RYR2: variants seen among roughly 807,000 people sequenced by gnomAD.
RYR2 encodes ryanodine receptor 2, also known as cardiac muscle ryanodine receptor-calcium release channel.
RYR2 carries 227 observed loss-of-function variants against 601.1 expected under a neutral mutation model. That is an observed-to-expected ratio of 0.38 (90% CI 0.34 to 0.42). The LOEUF is 0.42. RYR2 is among the 10% of genes least tolerant of loss of function. RYR2 has a pLI of 1.00. For missense variants in RYR2, 4,646 were observed against 6,156.5 expected (o/e 0.75, Z 8.21); for synonymous variants, 2,223 against 2,175.1 (o/e 1.02, Z -0.61).
chr1:237,512,086 C>T (rs1665975073), intron 24 of RYR2, among the ~76,000 whole-genome samples: 1 of 152,032 alleles, frequency 6.6e-6, no homozygotes, highest in Admixed American at 6.6e-5. Flanking sequence ...GATACAGGTC[C>T]ACAGAATGTG....
intron 29 of RYR2, among the ~76,000 whole-genome samples, chr1:237,569,699 A>G (rs1177502373): frequency 6.6e-6 from 1 of 152,210 alleles, no homozygotes; most frequent in Admixed American, 6.5e-5. Context: ...CCCACAATGG[A>G]TCAGGTACTT....
intron 24 of RYR2, among the ~76,000 whole-genome samples, chr1:237,527,281 CTT>C (rs948660920): frequency 2.0e-5 from 3 of 152,150 alleles, no homozygotes; most frequent in Non-Finnish European, 4.4e-5. Context: ...TATTCGGACT[CTT>C]TTTTGATTCC....
intron 62 of RYR2, among the ~76,000 whole-genome samples, chr1:237,681,141 A>G (rs1233428147): frequency 1.3e-5 from 2 of 152,188 alleles, no homozygotes; most frequent in African/African-American, 4.8e-5. Context: ...CTTTTACTCA[A>G]ACTTCTGCTA....
chr1:237,631,014 A>C (rs2148681205), intron 41 of RYR2, among the ~76,000 whole-genome samples: 1 of 152,320 alleles, frequency 6.6e-6, no homozygotes, highest in South Asian at 2.1e-4. Flanking sequence ...AGCATATATA[A>C]ATACTAGCAA....
chr1:237,200,856 G>A (rs536602004), intron 1 of RYR2, among the ~76,000 whole-genome samples: 2 of 152,292 alleles, frequency 1.3e-5, no homozygotes, highest in Non-Finnish European at 2.9e-5. Context: ...CTAAAGTTAT[G>A]TGTTCTGTGA....
chr1:237,283,649 C>T (rs545201454), intron 2 of RYR2, among the ~76,000 whole-genome samples: 2 of 152,298 alleles, frequency 1.3e-5, no homozygotes, highest in African/African-American at 4.8e-5. Context: ...AAAGAATACA[C>T]AGCCACTGTC....
chr1:237,342,995 G>A (rs1281276542), intron 3 of RYR2, among the ~76,000 whole-genome samples: 1 of 152,132 alleles, frequency 6.6e-6, no homozygotes, highest in East Asian at 1.9e-4. Context: ...GATCACTTGA[G>A]CCCAGGAGTT....
rs778071716 is a variant in RYR2 at position 237,387,327 on chromosome 1, A to G, written c.623A>G (p.Gln208Arg). 1.9e-6 allele frequency: 3 copies of G among 1,613,894 alleles called. No homozygotes were observed. The African/African-American group carries it at 4.0e-5, about 22-fold the overall frequency. Residue 208 changes from glutamine to arginine, a missense_variant, in exon 9 of 105, where the codon CAG becomes CGG. Transcript: ENST00000366574. Reference sequence around the variant, plus strand: ...AGCTTACACGTGGATGCCGCTTTCCAGCAGACTCTCTGGAGCGTGGCCCCA... The same window carrying G: ...AGCTTACACGTGGATGCCGCTTTCCGGCAGACTCTCTGGAGCGTGGCCCCA... Reference protein sequence around the residue: ...NGSLHVDAAFQQTLWSVAPIS... With the variant: ...NGSLHVDAAFRQTLWSVAPIS...
At chr1:237,153,096 T>C (rs1674912517) in intron 1 of RYR2, among the ~76,000 whole-genome samples, 3 of 152,176 alleles carry the variant, frequency 2.0e-5, no homozygotes, top group Non-Finnish European at 4.4e-5. Context: ...TCAGAGTGTG[T>C]GTATTTAGAC....
At chr1:237,238,161 G>A (rs1685786273) in intron 1 of RYR2, among the ~76,000 whole-genome samples, 1 of 151,858 alleles carries the variant, frequency 6.6e-6, no homozygotes, top group African/African-American at 2.4e-5. Flanking sequence ...TAGAGACAGG[G>A]ATTTCACCAT....
At position 237,590,927 on chromosome 1, in the gene RYR2, T is replaced by G. The variant is rs376401462; in HGVS notation, c.4095T>G (p.Ala1365=). 1 of 1,613,702 alleles carries G rather than the reference T, an allele frequency of 6.2e-7. No individual in the cohort carries two copies. Among genetic ancestry groups the G allele is most frequent in the African/African-American group, 1.3e-5 (1 of 74,876 alleles). Residue 1365 remains alanine (A), a synonymous_variant, in exon 31 of 105, where the codon GCT becomes GCG. Coordinates refer to ENST00000366574, the MANE Select transcript of RYR2 (RefSeq NM_001035.3). ...ATCGTGTTGACAAAGACAAAGAAGC[T>G]ACTAAACCAGAGTTTAACAACCACA... is the stretch of plus-strand genomic sequence containing the variant. The part of the protein sequence containing the change: ...VPDRVDKDKE[A]TKPEFNNHKD...
chr1:237,605,622 AAAT>A (rs1677033522), intron 35 of RYR2, among the ~76,000 whole-genome samples: 1 of 152,138 alleles, frequency 6.6e-6, no homozygotes, highest in East Asian at 1.9e-4. Flanking sequence ...AGAGGAAGTC[AAAT>A]TGTCCCTGTT....
At chr1:237,749,438 A>ATTATTT (rs1373634608) in intron 80 of RYR2, among the ~76,000 whole-genome samples, 3 of 151,630 alleles carry the variant, frequency 2.0e-5, no homozygotes. Flanking sequence ...ATTTGCTATT[A>ATTATTT]TTATTATTAT....
chr1:237,445,801 A>G (rs1708281161), intron 14 of RYR2, among the ~76,000 whole-genome samples: 1 of 151,926 alleles, frequency 6.6e-6, no homozygotes, highest in South Asian at 2.1e-4. Flanking sequence ...TACTGAACCT[A>G]TTTAGTTCCT....
chr1:237,366,047 G>A lies in RYR2; in HGVS notation c.309+1675G>A, dbSNP rs1018457286. ...ATGCAATTACAGTAATTTAAGTCAC[G>A]TAAACAGAAAAACATGCTGAATTTT... is the stretch of plus-strand genomic sequence containing the variant. On this transcript the variant is annotated intron_variant, in intron 5 of 104. Coordinates refer to ENST00000366574, the MANE Select transcript of RYR2 (RefSeq NM_001035.3). Among the ~76,000 whole-genome samples the A allele has an allele frequency of 2.6e-5, 4 of 152,210 alleles. No homozygotes were observed. The South Asian group carries it at 6.2e-4, about 24-fold the overall frequency.
At position 237,674,220 on chromosome 1, in the gene RYR2, G is replaced by A; in HGVS notation, c.8714+1G>A. The A allele has an allele frequency of 6.2e-7, 1 of 1,607,580 alleles. No homozygotes were observed. Among genetic ancestry groups the A allele is most frequent in the African/African-American group, 1.3e-5 (1 of 74,868 alleles). ...AGATCAATGGATATGCTGTATCCAG[G>A]TAAAAGTACACATACCCTAAGTACA... On this transcript the variant is annotated splice_donor_variant, in intron 59 of 104. Coordinates refer to ENST00000366574, the MANE Select transcript of RYR2 (RefSeq NM_001035.3). LOFTEE classifies it high-confidence loss of function.
At chr1:237,456,849 G>A (rs1017053304) in intron 16 of RYR2, 114 bp downstream of exon 16, 33 of 1,219,574 alleles carry the variant, frequency 2.7e-5, no homozygotes, top group Non-Finnish European at 3.1e-5. Flanking sequence ...GGCTGAGGTG[G>A]GAGGATCATT....
intron 68 of RYR2, 104 bp from the exon 69 acceptor site, chr1:237,708,754 G>A: frequency 2.9e-6 from 3 of 1,033,034 alleles, no homozygotes; most frequent in Non-Finnish European, 4.2e-6. Flanking sequence ...GAAGTCATGT[G>A]CTGGAGAAGG....
At chr1:237,525,139 A>G (rs1667443936) in intron 24 of RYR2, among the ~76,000 whole-genome samples, 1 of 152,120 alleles carries the variant, frequency 6.6e-6, no homozygotes. Context: ...CTTGCTTTGA[A>G]GTCCCTACTA....
Sources: gnomAD v4.1 joint callset for allele counts (sites outside exome capture counted in the v4.1 genomes callset) on GRCh38, gnomAD v4.1.1 for gene constraint, MANE v1.5 for transcripts, NCBI Gene and HGNC (gene_info 2026-07-23, HGNC 2026-07-21) for gene names.